The following MRTFB variants were observed in gnomAD, a reference collection of about 807,000 sequenced individuals.
MRTFB encodes the protein myocardin-related transcription factor B.
A neutral mutation model predicts 104.2 loss-of-function variants in MRTFB; 29 were observed. That is an observed-to-expected ratio of 0.28 (90% CI 0.21 to 0.38). MRTFB has a LOEUF of 0.38. MRTFB is among the 10% of genes least tolerant of loss of function. MRTFB has a pLI of 1.00. For missense variants in MRTFB, 1,270 were observed against 1,341.6 expected (o/e 0.95, Z 0.83); for synonymous variants, 535 against 519.5 (o/e 1.03, Z -0.41).
At chr16:14,030,400 T>C in the MRTFB span, among the ~76,000 whole-genome samples, 1 of 152,208 alleles carries the variant, frequency 6.6e-6, no homozygotes, top group Non-Finnish European at 1.5e-5. Context: ...ATTTTCTTGC[T>C]GTGGGTGCTA....
chr16:14,083,997 C>T (rs895215390), intron 2 of MRTFB, among the ~76,000 whole-genome samples: 1 of 152,136 alleles, frequency 6.6e-6, no homozygotes, highest in Non-Finnish European at 1.5e-5. Context: ...TTCTTACTAA[C>T]GTGAAGAGTT....
intron 3 of MRTFB, among the ~76,000 whole-genome samples, chr16:14,192,380 G>C (rs968998490): frequency 6.6e-6 from 1 of 151,896 alleles, no homozygotes; most frequent in South Asian, 2.1e-4. Context: ...GTATCAAAAA[G>C]TAAATTTGAA....
At chr16:14,201,322 T>C (rs925163881) in intron 3 of MRTFB, among the ~76,000 whole-genome samples, 2 of 152,188 alleles carry the variant, frequency 1.3e-5, no homozygotes, top group Non-Finnish European at 2.9e-5. Flanking sequence ...TTGTGATCCA[T>C]AGAACATAGG....
the MRTFB span, among the ~76,000 whole-genome samples, chr16:14,012,074 G>C: frequency 1.3e-5 from 2 of 152,194 alleles, no homozygotes; most frequent in East Asian, 3.9e-4. Context: ...ATGACATCAT[G>C]GAGATGGCTT....
At chr16:14,077,100 A>G (rs1181189102) in intron 1 of MRTFB, among the ~76,000 whole-genome samples, 1 of 152,248 alleles carries the variant, frequency 6.6e-6, no homozygotes. Flanking sequence ...TTTGGTATAA[A>G]GAAGGCTTAA....
At chr16:14,188,770 A>T (rs550762924) in intron 3 of MRTFB, among the ~76,000 whole-genome samples, 68 of 152,324 alleles carry the variant, frequency 4.5e-4, no homozygotes, top group African/African-American at 1.5e-3. Flanking sequence ...TAGTGATTTT[A>T]TTAAGATGCC....
At chr16:14,252,743 C>A (rs1225892092) in intron 15 of MRTFB, among the ~76,000 whole-genome samples, 2 of 152,148 alleles carry the variant, frequency 1.3e-5, no homozygotes, top group African/African-American at 4.8e-5. Context: ...GGGTTTATCT[C>A]TTAACTTTTC....
chr16:14,246,322 G>C, intron 11 of MRTFB, 151 bp from the exon 12 acceptor site: 1 of 718,814 alleles, frequency 1.4e-6, no homozygotes. Context: ...ATCTGTTTCT[G>C]TGTGCTTAAA....
At chr16:14,032,005 G>A in the MRTFB span, among the ~76,000 whole-genome samples, 1 of 152,154 alleles carries the variant, frequency 6.6e-6, no homozygotes, top group East Asian at 1.9e-4. Flanking sequence ...ACATAGTTTC[G>A]CCATGTTGGC....
chr16:14,118,650 A>G (rs1269487716), intron 2 of MRTFB, among the ~76,000 whole-genome samples: 4 of 151,924 alleles, frequency 2.6e-5, no homozygotes, highest in Middle Eastern at 6.8e-3. Flanking sequence ...AAAAATACAA[A>G]AATTAGCCTG....
Position 14,258,132 on chromosome 16 carries a change from A to T in MRTFB, c.2735A>T (p.Asp912Val). 1 of 1,613,978 alleles carries T rather than the reference A, an allele frequency of 6.2e-7. No homozygotes were observed. Among genetic ancestry groups the T allele is most frequent in the Non-Finnish European group, 8.5e-7 (1 of 1,179,912 alleles). The change falls in exon 16 of 17, where the codon GAC (aspartate) becomes GTC (valine). Residue 912 changes from aspartate (D) to valine (V), a missense_variant. Asp to Val is a radical substitution (Grantham distance 152). Coordinates refer to ENST00000571589, the MANE Select transcript of MRTFB (RefSeq NM_001308142.2). ...ISNAHSQQMD[D>V]LFDILIKSGE... is the part of the protein sequence containing the mutation. ...AACGCTCACAGTCAGCAGATGGATG[A>T]CCTCTTTGATATCCTCATTAAGAGT...
chr16:14,105,308 A>T (rs1265238743), intron 2 of MRTFB, among the ~76,000 whole-genome samples: 1 of 152,170 alleles, frequency 6.6e-6, no homozygotes, highest in Non-Finnish European at 1.5e-5. Context: ...CATCTTTTAT[A>T]AAAGGTCATC....
chr16:14,061,633 A>T, the MRTFB span, among the ~76,000 whole-genome samples: 51 of 150,856 alleles, frequency 3.4e-4, no homozygotes, highest in Admixed American at 1.2e-3. Context: ...AGTGGTTAAA[A>T]GCCTGGAATC....
At chr16:14,228,344 A>G (rs2042101546) in intron 8 of MRTFB, among the ~76,000 whole-genome samples, 1 of 152,216 alleles carries the variant, frequency 6.6e-6, no homozygotes, top group African/African-American at 2.4e-5. Flanking sequence ...TGGGAGGCCA[A>G]GTTGGGCGGA....
At chr16:14,067,467 C>T (rs1293608789), upstream of MRTFB, among the ~76,000 whole-genome samples, 6 of 152,150 alleles carry the variant, frequency 3.9e-5, no homozygotes, top group Admixed American at 6.5e-5. Context: ...AAGTGATCTG[C>T]ACGCCTTGGC....
the MRTFB span, among the ~76,000 whole-genome samples, chr16:14,039,330 G>A: frequency 1.3e-5 from 2 of 152,188 alleles, no homozygotes; most frequent in Non-Finnish European, 2.9e-5. Flanking sequence ...AGGAAAAGGT[G>A]TGATGTCTTT....
At chr16:14,105,273 T>C (rs2035909407) in intron 2 of MRTFB, among the ~76,000 whole-genome samples, 2 of 152,214 alleles carry the variant, frequency 1.3e-5, no homozygotes, top group Admixed American at 6.5e-5. Flanking sequence ...GTTTCTCCTT[T>C]GTCTCTTTCC....
chr16:14,006,626 T>TTGTA, the MRTFB span, among the ~76,000 whole-genome samples: 199 of 152,332 alleles, frequency 1.3e-3, 1 homozygote, highest in African/African-American at 4.2e-3. Context: ...TTCGCTGCCC[T>TTGTA]TGTATGTGTT....
intron 3 of MRTFB, among the ~76,000 whole-genome samples, chr16:14,199,559 T>G (rs1349327620): frequency 6.6e-6 from 1 of 152,216 alleles, no homozygotes; most frequent in Non-Finnish European, 1.5e-5. Flanking sequence ...TCTACCCAGG[T>G]GCTTAAGCCT....
Sources: allele counts gnomAD v4.1 joint callset (sites outside exome capture counted in the v4.1 genomes callset), GRCh38; gene constraint gnomAD v4.1.1; transcripts MANE v1.5; gene names NCBI Gene and HGNC (gene_info 2026-07-23, HGNC 2026-07-21).